The following KDF1 variants were observed in gnomAD, a reference collection of about 807,000 sequenced individuals.
KDF1 encodes keratinocyte differentiation factor 1, also known as RP11-344H11.3.
Under a neutral mutation model 31.6 loss-of-function variants are expected in KDF1, and 11 were observed. The ratio of observed to expected loss-of-function variants is 0.35; its 90% CI spans 0.22 to 0.58. KDF1 has a LOEUF of 0.58. Among genes scored for constraint, KDF1 ranks in the 20% least tolerant of loss-of-function variants. The pLI is 0.83. For synonymous variants in KDF1, 205 were observed against 214.4 expected, an observed-to-expected ratio of 0.96 and a Z score of 0.38; for missense variants, 476 against 549.1, an observed-to-expected ratio of 0.87 and a Z score of 1.33.
In KDF1 at chr1:26,951,328, G is replaced by T; in HGVS notation, c.1039+14C>A. 6.5e-7 allele frequency: 1 copy of T among 1,536,306 alleles called. No individual in the cohort carries two copies. Among genetic ancestry groups the T allele is most frequent in the Non-Finnish European group, 8.8e-7 (1 of 1,136,282 alleles). ...CCCTACTCTGCCCCTCAGCCCCATG[G>T]GGCCCCCACCTACCATCCTGGCTGA... On this transcript the variant is annotated intron_variant, in intron 2 of 3. Coordinates refer to ENST00000320567, the MANE Select transcript of KDF1 (RefSeq NM_152365.3). The surrounding 1 kb of genome is among the most constrained non-coding windows in gnomAD (Gnocchi z 5.4).
At chr1:26,956,191 G>C (rs530730974) in intron 1 of KDF1, among the ~76,000 whole-genome samples, 18 of 152,242 alleles carry the variant, frequency 1.2e-4, no homozygotes, top group African/African-American at 4.3e-4. Context: ...AACCGGGGGT[G>C]TGTGAGGAAT....
rs1357594796 is a variant in KDF1 at position 26,952,336 on chromosome 1, G to A, written c.45C>T (p.Arg15=). 1 of 1,522,752 alleles carries A rather than the reference G, an allele frequency of 6.6e-7. No homozygotes were observed. The highest frequency in any genetic ancestry group is 8.8e-7 in the Non-Finnish European group (1 of 1,136,068). The allele number at this position is 1,522,752 out of a possible 1,614,324, so 94.3% of individuals were successfully genotyped here. Residue 15 remains arginine, a synonymous_variant, in exon 2 of 4, where the codon CGC becomes CGT. Transcript: ENST00000320567. The surrounding 1 kb of genome is among the most constrained non-coding windows in gnomAD (Gnocchi z 4.1). ...CTGTTGGCCGCTCCCACGGTCCCAA[G>A]CGTGGAGGCCCAGATGCTGGGCGGG... ...GHPRPASGPP[R]LGPWERPTEL... is the part of the protein sequence containing the mutation.
In KDF1 at chr1:26,960,324, C is replaced by T. The variant is rs1217347661; in HGVS notation, c.-33+26G>A. Reference sequence around the variant, plus strand: ...GACACCGGCGCCGCCCTGGCTTGCGCCCCCCTGGGCCCGCGCCGGGCTTAC... The same window carrying T: ...GACACCGGCGCCGCCCTGGCTTGCGTCCCCCTGGGCCCGCGCCGGGCTTAC... On this transcript the variant is annotated intron_variant, in intron 1 of 3. Coordinates refer to ENST00000320567, the MANE Select transcript of KDF1 (RefSeq NM_152365.3). This position sits in a 1 kb window ranked among gnomAD's most constrained non-coding sequence, Gnocchi z 4.9. 5 of 152,164 alleles carry T rather than the reference C, an allele frequency of 3.3e-5. No homozygotes were observed. Among genetic ancestry groups the T allele is most frequent in the Non-Finnish European group, 7.4e-5 (5 of 68,024 alleles). 9.4% of individuals were successfully genotyped at this position (152,164 alleles called of 1,614,324 possible). A position where few individuals can be genotyped will look rare whatever the true frequency, so the allele number is the denominator to read the frequency against.
chr1:26,952,284 G>A lies in KDF1; in HGVS notation c.97C>T (p.Pro33Ser). ...TELCLETYDK[P>S]PQPPPSRRTR... ...CGGCGGCTTGGTGGGGGCTGAGGTG[G>A]TTTATCATATGTCTCCAGACATAGC... The change falls in exon 2 of 4, where the codon CCA (proline) becomes TCA (serine). Residue 33 changes from proline (P) to serine (S), a missense_variant. Pro to Ser is a moderately conservative substitution (Grantham distance 74). Coordinates refer to ENST00000320567, the MANE Select transcript of KDF1 (RefSeq NM_152365.3). This position sits in a 1 kb window ranked among gnomAD's most constrained non-coding sequence, Gnocchi z 4.1. 1 of 1,562,076 alleles carries A rather than the reference G, an allele frequency of 6.4e-7. No individual in the cohort carries two copies. The highest frequency in any genetic ancestry group is 8.7e-7 in the Non-Finnish European group (1 of 1,153,464).
intron 1 of KDF1, among the ~76,000 whole-genome samples, chr1:26,956,044 G>A (rs540709433): frequency 6.6e-6 from 1 of 152,308 alleles, no homozygotes; most frequent in South Asian, 2.1e-4. Context: ...AGTCAAGGAA[G>A]ATTATGCAGT....
intron 1 of KDF1, among the ~76,000 whole-genome samples, chr1:26,957,536 A>G (rs958323006): frequency 3.9e-5 from 6 of 152,170 alleles, no homozygotes; most frequent in Non-Finnish European, 5.9e-5. Context: ...AGGTTGCCTC[A>G]GGGTAGAACC....
Position 26,959,607 on chromosome 1 carries a change from G to A in KDF1, c.-33+743C>T, listed in dbSNP as rs533459662. ...AGGCACCGCAAGGATGTTCCCGGGGGTCAGAGGGTCCCGGCCCGCCCTCCC... is the reference window on the plus strand; with the variant it reads ...AGGCACCGCAAGGATGTTCCCGGGGATCAGAGGGTCCCGGCCCGCCCTCCC... On this transcript the variant is annotated intron_variant, in intron 1 of 3. Coordinates refer to ENST00000320567, the MANE Select transcript of KDF1 (RefSeq NM_152365.3). Among the ~76,000 whole-genome samples the A allele has an allele frequency of 1.8e-4, 28 of 152,182 alleles. 1 individual carries two copies. The highest frequency in any genetic ancestry group is 1.8e-3 in the Admixed American group (27 of 15,284).
At chr1:26,954,183 C>T (rs1034546150) in intron 1 of KDF1, among the ~76,000 whole-genome samples, 1 of 150,650 alleles carries the variant, frequency 6.6e-6, no homozygotes, top group African/African-American at 2.4e-5. Context: ...TATTTAATGC[C>T]ACAGGAATGA....
chr1:26,955,405 A>T (rs1016906142), intron 1 of KDF1, among the ~76,000 whole-genome samples: 4 of 152,184 alleles, frequency 2.6e-5, no homozygotes, highest in Non-Finnish European at 5.9e-5. Context: ...AGTCTTACTC[A>T]CATTTGCCCT....
At chr1:26,954,391 G>C (rs1053897349) in intron 1 of KDF1, among the ~76,000 whole-genome samples, 5 of 151,614 alleles carry the variant, frequency 3.3e-5, no homozygotes, top group African/African-American at 1.2e-4. Flanking sequence ...GCCCAGCTAA[G>C]TTTTGTATTT....
chr1:26,954,751 T>A (rs1412335632), intron 1 of KDF1, among the ~76,000 whole-genome samples: 1 of 147,732 alleles, frequency 6.8e-6, no homozygotes. Context: ...GAGAATCGCT[T>A]GAACTCAGGA....
chr1:26,952,419 G>A lies in KDF1; in HGVS notation c.-32-7C>T. 1 of 1,481,690 alleles carries A rather than the reference G, an allele frequency of 6.7e-7. No homozygotes were observed. The highest frequency in any genetic ancestry group is 8.9e-7 in the Non-Finnish European group (1 of 1,117,844). The allele number at this position is 1,481,690 out of a possible 1,614,324, so 91.8% of individuals were successfully genotyped here. The stretch of plus-strand genomic sequence containing the variant: ...GTTTGTAGCAGCCAGGCACCTGCGT[G>A]GGGAGAGGCCAGGAAGGAGTCAGGA... On this transcript the variant is annotated splice_polypyrimidine_tract_variant and splice_region_variant and intron_variant, in intron 1 of 3. Coordinates refer to ENST00000320567, the MANE Select transcript of KDF1 (RefSeq NM_152365.3). This position sits in a 1 kb window ranked among gnomAD's most constrained non-coding sequence, Gnocchi z 4.1.
chr1:26,950,094 GCCCCCGA>G lies in KDF1; in HGVS notation c.1165_1171del (p.Ser389HisfsTer94). 1.2e-6 allele frequency: 2 copies of G among 1,613,860 alleles called. No individual in the cohort carries two copies. Among genetic ancestry groups the G allele is most frequent in the Non-Finnish European group, 1.7e-6 (2 of 1,179,832 alleles). ...TTAGCAGTACACCTGGAGCAAGGGT[GCCCCCGA>G]CGAGTCTGTGTCGGTGCCCTGGAAG... On this transcript the variant is annotated frameshift_variant, in exon 4 of 4. Coordinates refer to ENST00000320567, the MANE Select transcript of KDF1 (RefSeq NM_152365.3). LOFTEE classifies it high-confidence loss of function. This position sits in a 1 kb window ranked among gnomAD's most constrained non-coding sequence, Gnocchi z 4.0.
intron 1 of KDF1, among the ~76,000 whole-genome samples, chr1:26,954,224 G>A (rs888891815): frequency 4.1e-4 from 55 of 134,748 alleles, no homozygotes; most frequent in Non-Finnish European, 7.3e-4. Flanking sequence ...GCTTAAATAT[G>A]TTTTTTTTTT....
intron 1 of KDF1, among the ~76,000 whole-genome samples, chr1:26,958,918 ACT>A (rs745569263): frequency 6.6e-6 from 1 of 152,076 alleles, no homozygotes; most frequent in Non-Finnish European, 1.5e-5. Flanking sequence ...AAGCTTTAGG[ACT>A]CTCTATTATT....
intron 1 of KDF1, among the ~76,000 whole-genome samples, chr1:26,957,799 C>A (rs2124164566): frequency 6.6e-6 from 1 of 151,918 alleles, no homozygotes; most frequent in Admixed American, 6.6e-5. Context: ...CCACTGTGTG[C>A]CACATGCTGG....
At chr1:26,958,175 C>T (rs1219235946) in intron 1 of KDF1, among the ~76,000 whole-genome samples, 1 of 137,596 alleles carries the variant, frequency 7.3e-6, no homozygotes, top group African/African-American at 2.7e-5. Context: ...CTCTGTTGCC[C>T]AGTCTGGAGT....
Position 26,950,859 on chromosome 1 carries a change from G to C in KDF1, c.1040-103C>G. ...GATGAGGGAGGAGCCACTCACTCCT[G>C]GGCAGGGCTAGAAAAATAATGCTTA... On this transcript the variant is annotated intron_variant, in intron 2 of 3. Coordinates refer to ENST00000320567, the MANE Select transcript of KDF1 (RefSeq NM_152365.3). The surrounding 1 kb of genome is among the most constrained non-coding windows in gnomAD (Gnocchi z 4.0). 1.0e-6 allele frequency: 1 copy of C among 984,538 alleles called. No individual in the cohort carries two copies. Among genetic ancestry groups the C allele is most frequent in the Non-Finnish European group, 1.6e-6 (1 of 626,100 alleles). The allele number at this position is 984,538 out of a possible 1,614,324, so 61.0% of individuals were successfully genotyped here.
rs2082356542 is a variant in KDF1, at chr1:26,952,358, CG to C, written c.22del (p.Arg8AlafsTer240). On this transcript the variant is annotated frameshift_variant, in exon 2 of 4. Transcript: ENST00000320567. LOFTEE classifies it high-confidence loss of function. This position sits in a 1 kb window ranked among gnomAD's most constrained non-coding sequence, Gnocchi z 4.1. MPRPGHP[R>X]PASGPPRLGP... ...CAAGCGTGGAGGCCCAGATGCTGGG[CG>C]GGGGTGTCCAGGGCGGGGCATGGCT... The C allele has an allele frequency of 2.6e-6, 4 of 1,511,714 alleles. No homozygotes were observed. The highest frequency in any genetic ancestry group is 3.5e-6 in the Non-Finnish European group (4 of 1,133,264). 93.6% of individuals were successfully genotyped at this position (1,511,714 alleles called of 1,614,324 possible). A position where few individuals can be genotyped will look rare whatever the true frequency, so the allele number is the denominator to read the frequency against.
Sources: allele counts gnomAD v4.1 joint callset (sites outside exome capture counted in the v4.1 genomes callset), GRCh38; gene constraint gnomAD v4.1.1; non-coding constraint Gnocchi (gnomAD v3.1); transcripts MANE v1.5; gene names NCBI Gene and HGNC (gene_info 2026-07-23, HGNC 2026-07-21).